Variants in IGF1R observed in about 807,000 individuals in gnomAD.
The protein encoded by IGF1R is insulin like growth factor 1 receptor, also known as insulin-like growth factor 1 receptor.
A neutral mutation model predicts 144.6 loss-of-function variants in IGF1R; 44 were observed. The observed-to-expected ratio is 0.30, with a 90% CI of 0.24 to 0.39. The LOEUF is 0.39. IGF1R is among the 10% of genes least tolerant of loss of function. The pLI is 1.00. For missense variants in IGF1R, 1,355 were observed against 1,833.7 expected (o/e 0.74, Z 4.77); for synonymous variants, 795 against 722.8 (o/e 1.10, Z -1.60).
chr15:98,870,274 C>G (rs1049231194), intron 2 of IGF1R, among the ~76,000 whole-genome samples: 1 of 152,232 alleles, frequency 6.6e-6, no homozygotes, highest in African/African-American at 2.4e-5. Context: ...TCTCTTCCAC[C>G]TAGGCCCTGG....
Position 98,891,459 on chromosome 15 carries a change from G to A in IGF1R, c.775G>A (p.Val259Ile), listed in dbSNP as rs1484012587. The change falls in exon 3 of 21, where the codon GTC becomes ATC. Residue 259 changes from valine to isoleucine, a missense_variant. By Grantham distance (29) the Val-to-Ile change is conservative (BLOSUM62 3). Transcript: ENST00000650285. The surrounding 1 kb of genome is among the most constrained non-coding windows in gnomAD (Gnocchi z 4.7). ...TTGCCGCCACTACTACTATGCCGGT[G>A]TCTGTGTGCCTGCCTGCCCGCCCAA... is the stretch of plus-strand genomic sequence containing the variant. ...VACRHYYYAG[V>I]CVPACPPNTY... 6.2e-7 allele frequency: 1 copy of A among 1,614,098 alleles called. No homozygotes were observed. The highest frequency in any genetic ancestry group is 1.6e-4 in the Middle Eastern group (1 of 6,062).
intron 2 of IGF1R, among the ~76,000 whole-genome samples, chr15:98,789,807 C>A (rs1056003214): frequency 1.3e-5 from 2 of 152,042 alleles, no homozygotes; most frequent in African/African-American, 4.8e-5. Flanking sequence ...GGAGGGTCCT[C>A]AGCTTTGGGG....
intron 2 of IGF1R, among the ~76,000 whole-genome samples, chr15:98,797,603 G>T (rs924560789): frequency 6.6e-6 from 1 of 152,200 alleles, no homozygotes; most frequent in Non-Finnish European, 1.5e-5. Context: ...CACCTGCAGG[G>T]TATGTGTCAT....
chr15:98,711,104 G>T (rs565123688), intron 2 of IGF1R, among the ~76,000 whole-genome samples: 43 of 152,146 alleles, frequency 2.8e-4, no homozygotes, highest in Non-Finnish European at 5.6e-4. Flanking sequence ...TGGCTGAGTC[G>T]TCACTGCAGC....
chr15:98,854,900 C>T (rs1484777743), intron 2 of IGF1R, among the ~76,000 whole-genome samples: 1 of 151,874 alleles, frequency 6.6e-6, no homozygotes, highest in Non-Finnish European at 1.5e-5. Context: ...CTGACTTTAG[C>T]CTGCCTTGGT....
At position 98,649,525 on chromosome 15, in the gene IGF1R, C is replaced by CT. The variant is rs544674838; in HGVS notation, c.-33dup. ...TCATTTCCTTTTTTTCTTTTCTTTT[C>CT]TTTTTTTTTTTTTTTTTTTTTTTTG... On this transcript the variant is annotated 5_prime_UTR_variant, in exon 1 of 21. Coordinates refer to ENST00000650285, the MANE Select transcript of IGF1R (RefSeq NM_000875.5). 0.011 allele frequency: 7,600 copies of CT among 719,736 alleles called. 77 individuals carry two copies. The highest frequency in any genetic ancestry group is 0.021 in the East Asian group (661 of 31,004). The allele number at this position is 719,736 out of a possible 1,614,324, so 44.6% of individuals were successfully genotyped here. A position where few individuals can be genotyped will look rare whatever the true frequency, so the allele number is the denominator to read the frequency against.
intron 19 of IGF1R, among the ~76,000 whole-genome samples, chr15:98,947,885 G>A (rs2016615495): frequency 6.6e-6 from 1 of 152,146 alleles, no homozygotes. Context: ...GGGAGCAGCA[G>A]GAGTTCTCTT....
Position 98,962,698 on chromosome 15 carries a change from G to A in IGF1R, c.*5256G>A, listed in dbSNP as rs574553420. On this transcript the variant is annotated 3_prime_UTR_variant, in exon 21 of 21. Coordinates refer to ENST00000650285, the MANE Select transcript of IGF1R (RefSeq NM_000875.5). ...GAAGAGTTACGAGCAGCAGGGTGCA[G>A]GGCTTGGAAGGAATGTGGGCAAGGT... 3 of 233,664 alleles carry A rather than the reference G, an allele frequency of 1.3e-5. No individual in the cohort carries two copies. The Admixed American group carries it at 1.7e-4, about 13-fold the overall frequency. The allele number at this position is 233,664 out of a possible 1,614,324, so 14.5% of individuals were successfully genotyped here.
intron 2 of IGF1R, among the ~76,000 whole-genome samples, chr15:98,878,464 T>G (rs552179201): frequency 6.6e-6 from 1 of 152,220 alleles, no homozygotes; most frequent in African/African-American, 2.4e-5. Context: ...CAGTTCCAAA[T>G]TTAAAATAAC....
In IGF1R at chr15:98,748,344, T is replaced by G. The variant is rs146951018; in HGVS notation, c.640+40237T>G. Among the ~76,000 whole-genome samples, 1,165 of 152,146 alleles carry G rather than the reference T, an allele frequency of 7.7e-3. 9 individuals carry two copies. Among genetic ancestry groups the G allele is most frequent in the Non-Finnish European group, 0.012 (849 of 68,008 alleles). On this transcript the variant is annotated intron_variant, in intron 2 of 20. Coordinates refer to ENST00000650285, the MANE Select transcript of IGF1R (RefSeq NM_000875.5). ...ACCTTGCCCAGCAAATTTATTATTATTATTATTTTTGTAGAGATGGAGGTC... is the reference window on the plus strand; with the variant it reads ...ACCTTGCCCAGCAAATTTATTATTAGTATTATTTTTGTAGAGATGGAGGTC...
At chr15:98,841,363 C>G (rs1356520842) in intron 2 of IGF1R, among the ~76,000 whole-genome samples, 1 of 152,190 alleles carries the variant, frequency 6.6e-6, no homozygotes, top group Admixed American at 6.5e-5. Flanking sequence ...ATGTTCTCAT[C>G]TCTAAAGTAT....
intron 2 of IGF1R, among the ~76,000 whole-genome samples, chr15:98,869,966 G>T (rs2012693706): frequency 6.6e-6 from 1 of 152,098 alleles, no homozygotes; most frequent in Non-Finnish European, 1.5e-5. Context: ...TACAATGTGT[G>T]CATTACAAGT....
rs34718548 is a variant in IGF1R at position 98,959,166 on chromosome 15, C to T, written c.*1724C>T. ...GGTTGAGAAGCCTCACCCTCTCTTT[C>T]CCTTGCCTTTGCTTAGGTTGTGACA... On this transcript the variant is annotated 3_prime_UTR_variant, in exon 21 of 21. Coordinates refer to ENST00000650285, the MANE Select transcript of IGF1R (RefSeq NM_000875.5). 1,967 of 233,522 alleles carry T rather than the reference C, an allele frequency of 8.4e-3. 37 individuals are homozygous for T. The highest frequency in any genetic ancestry group is 0.041 in the African/African-American group (1,845 of 45,468). 14.5% of individuals were successfully genotyped at this position (233,522 alleles called of 1,614,324 possible). A position where few individuals can be genotyped will look rare whatever the true frequency, so the allele number is the denominator to read the frequency against.
intron 2 of IGF1R, among the ~76,000 whole-genome samples, chr15:98,806,525 ACTCT>A (rs199955333): frequency 6.6e-6 from 1 of 151,522 alleles, no homozygotes; most frequent in Non-Finnish European, 1.5e-5. Flanking sequence ...ATAGTAGGAG[ACTCT>A]CTCTCTCATT....
At chr15:98,792,444 T>C (rs2056148353) in intron 2 of IGF1R, among the ~76,000 whole-genome samples, 1 of 152,252 alleles carries the variant, frequency 6.6e-6, no homozygotes. Context: ...AAAATCTTCC[T>C]ATTTTTAAAG....
chr15:98,787,781 G>A (rs2056032846), intron 2 of IGF1R, among the ~76,000 whole-genome samples: 1 of 152,206 alleles, frequency 6.6e-6, no homozygotes, highest in Admixed American at 6.5e-5. Context: ...AACTCAGAAG[G>A]AAAGAATTGG....
At chr15:98,854,604 A>AT (rs1252023675) in intron 2 of IGF1R, among the ~76,000 whole-genome samples, 1 of 151,986 alleles carries the variant, frequency 6.6e-6, no homozygotes, top group Non-Finnish European at 1.5e-5. Context: ...CAGCCTGTTC[A>AT]TTTTTTCCAT....
chr15:98,881,819 A>AG (rs1482042983), intron 2 of IGF1R, among the ~76,000 whole-genome samples: 1 of 152,218 alleles, frequency 6.6e-6, no homozygotes, highest in Non-Finnish European at 1.5e-5. Flanking sequence ...TGTGATCATT[A>AG]GGGGGATTAA....
chr15:98,754,614 T>C (rs975068310), intron 2 of IGF1R, among the ~76,000 whole-genome samples: 3 of 152,196 alleles, frequency 2.0e-5, no homozygotes, highest in South Asian at 2.1e-4. Context: ...ACAGCCATGG[T>C]TAGGCACTGC....
Sources: gnomAD v4.1 joint callset for allele counts (sites outside exome capture counted in the v4.1 genomes callset) on GRCh38, gnomAD v4.1.1 for gene constraint, Gnocchi (gnomAD v3.1) non-coding constraint, MANE v1.5 for transcripts, NCBI Gene and HGNC (gene_info 2026-07-23, HGNC 2026-07-21) for gene names.